Variants in RORB observed in about 807,000 individuals in gnomAD.
The protein encoded by RORB is nuclear receptor ROR-beta.
Under a neutral mutation model 59.1 loss-of-function variants are expected in RORB, and 6 were observed. The ratio of observed to expected loss-of-function variants is 0.10; its 90% confidence interval spans 0.06 to 0.20. RORB has a LOEUF of 0.20. RORB is among the 10% of genes least tolerant of loss of function. RORB has a pLI of 1.00. For missense variants in RORB, 320 were observed against 560.5 expected, an observed-to-expected ratio of 0.57 and a Z score of 4.33; for synonymous variants, 215 against 204.5, an observed-to-expected ratio of 1.05 and a Z score of -0.44.
intron 1 of RORB, among the ~76,000 whole-genome samples, chr9:74,524,810 CA>C (rs1470260097): frequency 1.3e-5 from 2 of 151,746 alleles, no homozygotes; most frequent in Non-Finnish European, 2.9e-5. Flanking sequence ...CTGCAAAGAT[CA>C]CATCTGGAAG....
chr9:74,608,563 CAAAA>C (rs34028088), intron 1 of RORB, among the ~76,000 whole-genome samples: 1 of 127,286 alleles, frequency 7.9e-6, no homozygotes. Flanking sequence ...GACTCCGTCT[CAAAA>C]AAAAAAAAAA....
At position 74,688,874 on chromosome 9, in the gene RORB, A is replaced by G. The variant is rs1270085135; in HGVS notation, c.*3256A>G. 2 of 152,202 alleles carry G rather than the reference A, an allele frequency of 1.3e-5. No individual in the cohort carries two copies. The highest frequency in any genetic ancestry group is 1.9e-4 in the East Asian group (1 of 5,188). 9.4% of individuals were successfully genotyped at this position (152,202 alleles called of 1,614,324 possible). On this transcript the variant is annotated 3_prime_UTR_variant, in exon 10 of 10. Coordinates refer to ENST00000376896, the MANE Select transcript of RORB (RefSeq NM_006914.4). ...ATCTCCCTGCAAATCCAAACTTTCT[A>G]TACAAATCCTGAACAAGGAAAATAC... is the stretch of plus-strand genomic sequence containing the variant.
At chr9:74,649,521 T>C (rs1199116375) in intron 4 of RORB, among the ~76,000 whole-genome samples, 2 of 152,184 alleles carry the variant, frequency 1.3e-5, no homozygotes, top group Non-Finnish European at 2.9e-5. Flanking sequence ...TCGTAGAGGA[T>C]ACCTGGAGCC....
chr9:74,548,236 G>C (rs959544762), intron 1 of RORB, among the ~76,000 whole-genome samples: 1 of 152,110 alleles, frequency 6.6e-6, no homozygotes, highest in Non-Finnish European at 1.5e-5. Flanking sequence ...TAGTATTGTA[G>C]CTTCTCTTAT....
intron 1 of RORB, among the ~76,000 whole-genome samples, chr9:74,603,985 G>T (rs190559983): frequency 6.6e-6 from 1 of 152,228 alleles, no homozygotes; most frequent in South Asian, 2.1e-4. Context: ...TCCCTTCCAC[G>T]TGAACGGATC....
At position 74,692,356 on chromosome 9, in the gene RORB, A is replaced by G. The variant is rs1363200586; in HGVS notation, c.*6738A>G. On this transcript the variant is annotated 3_prime_UTR_variant, in exon 10 of 10. Transcript: ENST00000376896. Reference sequence around the variant, plus strand: ...AAAGATATTTAGATTTAAATGAGACATTCCAATATTTTTGAAATCCCTAAC... The same window carrying G: ...AAAGATATTTAGATTTAAATGAGACGTTCCAATATTTTTGAAATCCCTAAC... 6.6e-6 allele frequency: 1 copy of G among 152,254 alleles called. No individual in the cohort carries two copies. Among genetic ancestry groups the G allele is most frequent in the Admixed American group, 6.5e-5 (1 of 15,292 alleles). 9.4% of individuals were successfully genotyped at this position (152,254 alleles called of 1,614,324 possible). A position where few individuals can be genotyped will look rare whatever the true frequency, so the allele number is the denominator to read the frequency against.
intron 1 of RORB, among the ~76,000 whole-genome samples, chr9:74,531,702 T>G (rs1826241968): frequency 6.6e-6 from 1 of 152,010 alleles, no homozygotes; most frequent in Non-Finnish European, 1.5e-5. Context: ...AGCCCTACAT[T>G]TTTTAATGAT....
intron 1 of RORB, among the ~76,000 whole-genome samples, chr9:74,619,579 G>A (rs1383350917): frequency 6.6e-6 from 1 of 152,132 alleles, no homozygotes; most frequent in African/African-American, 2.4e-5. Flanking sequence ...AGCCTCCTGA[G>A]TAGCTGGGAT....
intron 4 of RORB, among the ~76,000 whole-genome samples, chr9:74,648,480 C>T (rs1421969533): frequency 6.6e-6 from 1 of 152,156 alleles, no homozygotes; most frequent in East Asian, 1.9e-4. Context: ...CTTGTTATAG[C>T]CACGTCACAC....
chr9:74,651,945 G>C (rs1211191801), intron 4 of RORB, among the ~76,000 whole-genome samples: 1 of 152,180 alleles, frequency 6.6e-6, no homozygotes, highest in Non-Finnish European at 1.5e-5. Flanking sequence ...TTGCAATACA[G>C]CAAAATGCTT....
chr9:74,569,317 G>A (rs1822515310), intron 1 of RORB, among the ~76,000 whole-genome samples: 1 of 151,852 alleles, frequency 6.6e-6, no homozygotes, highest in Non-Finnish European at 1.5e-5. Flanking sequence ...TAACTCTGCT[G>A]TTAAGAAGAC....
chr9:74,601,615 C>T (rs1446990135), intron 1 of RORB, among the ~76,000 whole-genome samples: 1 of 152,138 alleles, frequency 6.6e-6, no homozygotes, highest in African/African-American at 2.4e-5. Flanking sequence ...TCTACGATTT[C>T]TCACTACAAA....
At chr9:74,663,045 G>A (rs1040230204) in intron 6 of RORB, among the ~76,000 whole-genome samples, 2 of 151,818 alleles carry the variant, frequency 1.3e-5, no homozygotes, top group East Asian at 1.9e-4. Flanking sequence ...GAAACTCCAC[G>A]GTACTCTAAT....
chr9:74,610,017 C>T (rs1823210313), intron 1 of RORB, among the ~76,000 whole-genome samples: 1 of 152,216 alleles, frequency 6.6e-6, no homozygotes. Flanking sequence ...TGCCTTTTGG[C>T]ATTTCTCTGT....
Position 74,569,636 on chromosome 9 carries a change from A to C in RORB, c.8-60646A>C, listed in dbSNP as rs552668945. Among the ~76,000 whole-genome samples the C allele has an allele frequency of 2.5e-3, 376 of 152,218 alleles. 1 individual carries two copies. Among genetic ancestry groups the C allele is most frequent in the African/African-American group, 8.6e-3 (358 of 41,578 alleles). On this transcript the variant is annotated intron_variant, in intron 1 of 9. Transcript: ENST00000376896. ...AGGTAGAATGTGTGCTGTTTTTATA[A>C]GGCCCTGCTCATCATTGAAACCAGG... is the stretch of plus-strand genomic sequence containing the variant.
At chr9:74,671,239 G>C (rs953081592) in intron 8 of RORB, among the ~76,000 whole-genome samples, 3 of 150,172 alleles carry the variant, frequency 2.0e-5, no homozygotes, top group Non-Finnish European at 3.0e-5. Flanking sequence ...AAGAAGGAGA[G>C]GAGGGATTAT....
At chr9:74,545,341 C>G (rs1391458351) in intron 1 of RORB, among the ~76,000 whole-genome samples, 1 of 152,058 alleles carries the variant, frequency 6.6e-6, no homozygotes, top group Non-Finnish European at 1.5e-5. Flanking sequence ...GATTGCGGTG[C>G]CTTTTTGTAT....
At chr9:74,665,685 C>A in intron 7 of RORB, 90 bp downstream of exon 7, 6 of 821,532 alleles carry the variant, frequency 7.3e-6, no homozygotes, top group Non-Finnish European at 2.1e-6. Flanking sequence ...TGCCTTGATT[C>A]TTTGATGTGA....
chr9:74,561,812 C>A (rs1431224372), intron 1 of RORB, among the ~76,000 whole-genome samples: 1 of 152,150 alleles, frequency 6.6e-6, no homozygotes, highest in Non-Finnish European at 1.5e-5. Flanking sequence ...CTTCCAGGAT[C>A]CAATCCAGAA....
Sources: allele counts gnomAD v4.1 joint callset (sites outside exome capture counted in the v4.1 genomes callset), GRCh38; gene constraint gnomAD v4.1.1; transcripts MANE v1.5; gene names NCBI Gene and HGNC (gene_info 2026-07-23, HGNC 2026-07-21).